The following PLD1 variants were observed in gnomAD, a reference collection of about 807,000 sequenced individuals.
PLD1 encodes phospholipase D1.
Under a neutral mutation model 137.1 loss-of-function variants are expected in PLD1, and 112 were observed. That is an observed-to-expected ratio of 0.82 (90% CI 0.70 to 0.96). PLD1 has a LOEUF of 0.96. Ranked by LOEUF, PLD1 falls within the 40% of genes least tolerant of loss-of-function variation. PLD1 has a pLI of 0.00. For missense variants in PLD1, 1,321 were observed against 1,342.0 expected (o/e 0.98, Z 0.24); for synonymous variants, 431 against 454.7 (o/e 0.95, Z 0.66).
In PLD1 at chr3:171,614,751, TG is replaced by T. The variant is rs1428506590; in HGVS notation, c.2729-2320del. On this transcript the variant is annotated intron_variant, in intron 24 of 26. Transcript: ENST00000351298. Reference sequence around the variant, plus strand: ...GAGGCCGCTGTCAGGCGGGGGCTGCTGGATTGAACTGACATCACTGCTTTGT... The same window carrying T: ...GAGGCCGCTGTCAGGCGGGGGCTGCTGATTGAACTGACATCACTGCTTTGT... 2.6e-5 allele frequency among the ~76,000 whole-genome samples: 4 copies of T among 152,226 alleles called. No homozygotes were observed. In the East Asian group the frequency reaches 7.7e-4, roughly 29 times the overall value.
chr3:171,808,100 A>T (rs1196655026), intron 1 of PLD1, among the ~76,000 whole-genome samples: 2 of 152,196 alleles, frequency 1.3e-5, no homozygotes, highest in Non-Finnish European at 2.9e-5. Context: ...GGAGAGCAAA[A>T]GTTAAAAAAT....
At chr3:171,676,197 T>C (rs1713331224) in intron 18 of PLD1, among the ~76,000 whole-genome samples, 2 of 152,156 alleles carry the variant, frequency 1.3e-5, no homozygotes, top group Admixed American at 6.5e-5. Flanking sequence ...GTCAAGTTCT[T>C]ACAAGTAATG....
chr3:171,805,839 C>G (rs912483189), intron 1 of PLD1, among the ~76,000 whole-genome samples: 7 of 152,132 alleles, frequency 4.6e-5, no homozygotes, highest in African/African-American at 1.7e-4. Context: ...CTACCATGTG[C>G]TAGTTGTGGG....
In PLD1 at chr3:171,624,386, T is replaced by A. The variant is rs1024013079; in HGVS notation, c.2594-3866A>T. 2.0e-5 allele frequency among the ~76,000 whole-genome samples: 3 copies of A among 152,282 alleles called. No individual in the cohort carries two copies. In the East Asian group the frequency reaches 5.8e-4, roughly 29 times the overall value. ...CGACAACATATTCTGTTAGTGAGAA[T>A]GGGTTGAAGACAGACTCTCTCATAT... On this transcript the variant is annotated intron_variant, in intron 23 of 26. Transcript: ENST00000351298.
rs1332857717 is a variant in PLD1 at position 171,691,502 on chromosome 3, G to C, written c.1338+830C>G. ...ATATTTGATTGCTATTTTCTTTGCA[G>C]TTAAATGTAACATCTTAAAGTTGTA... On this transcript the variant is annotated intron_variant, in intron 13 of 26. Transcript: ENST00000351298. Among the ~76,000 whole-genome samples the C allele has an allele frequency of 6.6e-5, 10 of 152,112 alleles. 1 individual carries two copies. The highest frequency in any genetic ancestry group is 2.4e-4 in the African/African-American group (10 of 41,504).
In PLD1 at chr3:171,601,491, C is replaced by T. The variant is rs1731826965; in HGVS notation, c.*1587G>A. 1 of 142,920 alleles carries T rather than the reference C, an allele frequency of 7.0e-6. No homozygotes were observed. Among genetic ancestry groups the T allele is most frequent in the South Asian group, 2.1e-4 (1 of 4,816 alleles). The allele number at this position is 142,920 out of a possible 1,614,324, so 8.9% of individuals were successfully genotyped here. On this transcript the variant is annotated 3_prime_UTR_variant, in exon 27 of 27. Transcript: ENST00000351298. The stretch of plus-strand genomic sequence containing the variant: ...AGCCATATGAAAAATAAGTTATTTA[C>T]TTATAAAAACATTCATTTTTATTAT...
chr3:171,725,150 G>A (rs188099633), intron 7 of PLD1, among the ~76,000 whole-genome samples: 40 of 152,102 alleles, frequency 2.6e-4, no homozygotes, highest in African/African-American at 8.4e-4. Flanking sequence ...TAACAAACCC[G>A]CACGTTGTGC....
intron 9 of PLD1, among the ~76,000 whole-genome samples, 180 bp from the exon 10 acceptor site, chr3:171,709,889 T>C (rs982478327): frequency 2.0e-5 from 3 of 152,124 alleles, no homozygotes; most frequent in African/African-American, 7.2e-5. Flanking sequence ...CAAAAATAAA[T>C]GTTCAGGTTA....
In PLD1 at chr3:171,644,916, T is replaced by C. The variant is rs762333916; in HGVS notation, c.2537A>G (p.Asn846Ser). ...CCATTTAGAGTTTTGGCACCTGTAGTTGAAGTGCATGATTGCCTGTAGAGC... is the reference window on the plus strand; with the variant it reads ...CCATTTAGAGTTTTGGCACCTGTAGCTGAAGTGCATGATTGCCTGTAGAGC... Reference protein sequence around the residue: ...GNALQAIMHFNYRTMCRGENS... With the variant: ...GNALQAIMHFSYRTMCRGENS... Residue 846 changes from asparagine (N) to serine (S), a missense_variant, in exon 22 of 27, where the codon AAC becomes AGC. Transcript: ENST00000351298. 2 of 1,603,216 alleles carry C rather than the reference T, an allele frequency of 1.2e-6. No homozygotes were observed. The highest frequency in any genetic ancestry group is 1.7e-6 in the Non-Finnish European group (2 of 1,170,004).
At chr3:171,643,634 G>A (rs190713863) in intron 22 of PLD1, among the ~76,000 whole-genome samples, 87 of 152,060 alleles carry the variant, frequency 5.7e-4, no homozygotes, top group Admixed American at 2.6e-3. Context: ...CAAGAAAATA[G>A]TCATAGAAAA....
intron 1 of PLD1, among the ~76,000 whole-genome samples, chr3:171,773,235 A>G (rs1305988818): frequency 6.6e-6 from 1 of 152,248 alleles, no homozygotes; most frequent in Non-Finnish European, 1.5e-5. Flanking sequence ...ATTCTTTAAT[A>G]AAACCCCGCA....
At chr3:171,754,815 T>C (rs981625307) in intron 1 of PLD1, among the ~76,000 whole-genome samples, 1 of 152,208 alleles carries the variant, frequency 6.6e-6, no homozygotes, top group Non-Finnish European at 1.5e-5. Context: ...TATGACAAAA[T>C]GACCAGAGAT....
intron 1 of PLD1, among the ~76,000 whole-genome samples, chr3:171,791,359 A>T (rs1051821488): frequency 2.0e-5 from 3 of 152,220 alleles, no homozygotes; most frequent in African/African-American, 7.2e-5. Flanking sequence ...TGCAAACCAC[A>T]TGGTCATTTC....
In PLD1 at chr3:171,602,700, T is replaced by C. The variant is rs1270100112; in HGVS notation, c.*378A>G. ...CAGGTCCAGCTAGACATTGGCTGCATAAATGAAGATCAGAGAAGAATAAGG... is the reference window on the plus strand; with the variant it reads ...CAGGTCCAGCTAGACATTGGCTGCACAAATGAAGATCAGAGAAGAATAAGG... On this transcript the variant is annotated 3_prime_UTR_variant, in exon 27 of 27. Coordinates refer to ENST00000351298, the MANE Select transcript of PLD1 (RefSeq NM_002662.5). 1 of 224,352 alleles carries C rather than the reference T, an allele frequency of 4.5e-6. No homozygotes were observed. Among genetic ancestry groups the C allele is most frequent in the Non-Finnish European group, 8.9e-6 (1 of 112,662 alleles). The allele number at this position is 224,352 out of a possible 1,614,324, so 13.9% of individuals were successfully genotyped here. A position where few individuals can be genotyped will look rare whatever the true frequency, so the allele number is the denominator to read the frequency against.
intron 11 of PLD1, among the ~76,000 whole-genome samples, chr3:171,702,438 C>T (rs909970869): frequency 2.1e-4 from 32 of 150,238 alleles, no homozygotes; most frequent in South Asian, 4.2e-4. Flanking sequence ...CAGTGAGCCA[C>T]GATCATGTCA....
At chr3:171,634,085 T>C (rs1022538403) in intron 23 of PLD1, among the ~76,000 whole-genome samples, 1 of 152,246 alleles carries the variant, frequency 6.6e-6, no homozygotes, top group African/African-American at 2.4e-5. Context: ...CCTTGTACTT[T>C]AGAAACAGGC....
intron 21 of PLD1, among the ~76,000 whole-genome samples, chr3:171,655,730 A>G (rs573538874): frequency 6.6e-6 from 1 of 152,344 alleles, no homozygotes; most frequent in Admixed American, 6.5e-5. Flanking sequence ...AATATATTTT[A>G]CAGTTGCAAT....
intron 1 of PLD1, among the ~76,000 whole-genome samples, chr3:171,760,817 C>T (rs978764084): frequency 6.6e-6 from 1 of 152,154 alleles, no homozygotes; most frequent in African/African-American, 2.4e-5. Context: ...AAGTTCCCAG[C>T]CCAAATGAGA....
Position 171,688,813 on chromosome 3 carries a change from C to G in PLD1, c.1402G>C (p.Val468Leu). 1 of 1,614,134 alleles carries G rather than the reference C, an allele frequency of 6.2e-7. No homozygotes were observed. Among genetic ancestry groups the G allele is most frequent in the Non-Finnish European group, 8.5e-7 (1 of 1,180,008 alleles). The change falls in exon 14 of 27, where the codon GTC becomes CTC. Residue 468 changes from valine (V) to leucine (L), a missense_variant. Physicochemically the swap from Val to Leu is conservative, Grantham distance 32 (BLOSUM62 1). Transcript: ENST00000351298. The stretch of plus-strand genomic sequence containing the variant: ...AAGGCCACCGATTGGTCAATGATGA[C>G]AAGCTTCTCATGGTGAGCCCACAAA... ...VYLWAHHEKLVIIDQSVAFVG... is the reference protein window; with the variant it reads ...VYLWAHHEKLLIIDQSVAFVG...
Sources: allele counts gnomAD v4.1 joint callset (sites outside exome capture counted in the v4.1 genomes callset), GRCh38; gene constraint gnomAD v4.1.1; transcripts MANE v1.5; gene names NCBI Gene and HGNC (gene_info 2026-07-23, HGNC 2026-07-21).